Variants in NOX4 observed in about 807,000 individuals in gnomAD.
NOX4 encodes kidney oxidase-1.
In NOX4, 69 loss-of-function variants were observed where a neutral mutation model predicts 87.6. That is an observed-to-expected ratio of 0.79 (90% CI 0.65 to 0.96). The LOEUF is 0.96. Ranked by LOEUF, NOX4 falls within the 40% of genes least tolerant of loss-of-function variation. NOX4 has a pLI of 0.00. For missense variants in NOX4, 680 were observed against 681.5 expected (o/e 1.00, Z 0.02); for synonymous variants, 275 against 238.2 (o/e 1.15, Z -1.42).
At chr11:89,470,739 C>A (rs1945896593) in intron 2 of NOX4, among the ~76,000 whole-genome samples, 1 of 151,950 alleles carries the variant, frequency 6.6e-6, no homozygotes, top group Non-Finnish European at 1.5e-5. Context: ...TTTTTGGTCC[C>A]AACTTATATT....
At chr11:89,463,969 T>A (rs1431279816) in intron 2 of NOX4, among the ~76,000 whole-genome samples, 1 of 152,064 alleles carries the variant, frequency 6.6e-6, no homozygotes, top group East Asian at 1.9e-4. Flanking sequence ...GCTCAAAGGA[T>A]TGTATATGAC....
the NOX4 span, among the ~76,000 whole-genome samples, chr11:89,510,757 T>G: frequency 2.0e-5 from 3 of 152,228 alleles, no homozygotes; most frequent in East Asian, 5.8e-4. Context: ...TGCTTCTGGC[T>G]TACATGGTAC....
At chr11:89,333,656 C>T (rs938132175) in intron 17 of NOX4, among the ~76,000 whole-genome samples, 7 of 151,760 alleles carry the variant, frequency 4.6e-5, no homozygotes, top group Middle Eastern at 3.2e-3. Flanking sequence ...GTCTTCCCTA[C>T]TGTTATCTCT....
intron 2 of NOX4, among the ~76,000 whole-genome samples, chr11:89,478,191 CCT>C (rs999141804): frequency 6.7e-6 from 1 of 149,284 alleles, no homozygotes; most frequent in Non-Finnish European, 1.5e-5. Context: ...TTTCCCTGCC[CCT>C]GTCCCCTGAC....
At chr11:89,548,051 T>G in the NOX4 span, 1 of 151,644 alleles carries the variant, frequency 6.6e-6, no homozygotes, top group Non-Finnish European at 1.5e-5. Context: ...TAGGAGATAC[T>G]AGATGAGATG....
At chr11:89,514,174 C>T in the NOX4 span, among the ~76,000 whole-genome samples, 1 of 151,954 alleles carries the variant, frequency 6.6e-6, no homozygotes, top group Non-Finnish European at 1.5e-5. Context: ...TTTTATTTAA[C>T]TTTTCAAGAT....
chr11:89,410,541 T>A (rs1942423420), intron 8 of NOX4, among the ~76,000 whole-genome samples: 1 of 152,184 alleles, frequency 6.6e-6, no homozygotes, highest in South Asian at 2.1e-4. Context: ...AATGTTCTAT[T>A]TTATTTTTCT....
At chr11:89,432,749 A>C (rs367556534) in intron 7 of NOX4, 35 bp downstream of exon 7, 2 of 1,437,104 alleles carry the variant, frequency 1.4e-6, no homozygotes, top group African/African-American at 2.8e-5. Flanking sequence ...ATAACCTGAC[A>C]GATACACATC....
intron 2 of NOX4, among the ~76,000 whole-genome samples, chr11:89,455,374 T>C (rs1376822795): frequency 1.3e-5 from 2 of 152,104 alleles, no homozygotes; most frequent in Non-Finnish European, 2.9e-5. Context: ...CTCTAGGATC[T>C]GGCTTACTCC....
intron 2 of NOX4, among the ~76,000 whole-genome samples, chr11:89,459,510 C>A (rs1364620188): frequency 6.6e-6 from 1 of 152,044 alleles, no homozygotes; most frequent in African/African-American, 2.4e-5. Context: ...TTCTTATACA[C>A]CAATAACGAC....
At chr11:89,372,794 T>C (rs565925185) in intron 12 of NOX4, among the ~76,000 whole-genome samples, 1 of 152,074 alleles carries the variant, frequency 6.6e-6, no homozygotes, top group South Asian at 2.1e-4. Flanking sequence ...ACCAACCAAC[T>C]AACAAGCCAA....
At chr11:89,527,352 A>G in the NOX4 span, among the ~76,000 whole-genome samples, 1 of 152,182 alleles carries the variant, frequency 6.6e-6, no homozygotes, top group Non-Finnish European at 1.5e-5. Flanking sequence ...AGAAAATCCC[A>G]TTTTCTGAGG....
intron 12 of NOX4, among the ~76,000 whole-genome samples, chr11:89,360,437 A>G (rs931988357): frequency 7.9e-5 from 12 of 152,124 alleles, no homozygotes; most frequent in African/African-American, 2.9e-4. Context: ...TGTATACCAG[A>G]GATATGTACT....
chr11:89,499,311 T>C (rs1946993264), upstream of NOX4: 2 of 152,138 alleles, frequency 1.3e-5, no homozygotes, highest in African/African-American at 4.8e-5. Flanking sequence ...TCCTGGCACA[T>C]AGTAAGTGCT....
At chr11:89,422,318 A>C (rs1235722832) in intron 7 of NOX4, among the ~76,000 whole-genome samples, 1 of 152,174 alleles carries the variant, frequency 6.6e-6, no homozygotes, top group Non-Finnish European at 1.5e-5. Flanking sequence ...TTATTTTATC[A>C]ATATTCTCAG....
chr11:89,530,209 G>C, the NOX4 span, among the ~76,000 whole-genome samples: 1 of 150,488 alleles, frequency 6.6e-6, no homozygotes, highest in African/African-American at 2.4e-5. Context: ...CCAGCTGTAG[G>C]CTGTAAGTAC....
intron 2 of NOX4, among the ~76,000 whole-genome samples, chr11:89,469,346 CAAAATT>C (rs1347806222): frequency 6.6e-6 from 1 of 151,888 alleles, no homozygotes; most frequent in Non-Finnish European, 1.5e-5. Context: ...ATTAGGAAAA[CAAAATT>C]AAAAATAACG....
upstream of NOX4, among the ~76,000 whole-genome samples, chr11:89,499,892 T>C (rs1381658019): frequency 2.6e-5 from 4 of 152,112 alleles, no homozygotes; most frequent in African/African-American, 9.7e-5. Flanking sequence ...TATTTATCAT[T>C]CTAACCTTGG....
At chr11:89,555,019 T>C in the NOX4 span, among the ~76,000 whole-genome samples, 1 of 152,168 alleles carries the variant, frequency 6.6e-6, no homozygotes, top group African/African-American at 2.4e-5. Flanking sequence ...AATTTATCTT[T>C]TTAAAAATTA....
Sources: allele counts gnomAD v4.1 joint callset (sites outside exome capture counted in the v4.1 genomes callset), GRCh38; gene constraint gnomAD v4.1.1; transcripts MANE v1.5; gene names NCBI Gene and HGNC (gene_info 2026-07-23, HGNC 2026-07-21).